Variants in LGALS16 observed in about 807,000 individuals in gnomAD.
LGALS16 encodes the protein galectin 16, also known as galectin-16.
Under a neutral mutation model 13.2 loss-of-function variants are expected in LGALS16, and 15 were observed. The ratio of observed to expected loss-of-function variants is 1.13; its 90% CI spans 0.76 to 1.75. The LOEUF (loss-of-function observed/expected upper bound fraction) is 1.75, where lower values mean the gene tolerates loss of function less well. LGALS16 is among the 40% of genes most tolerant of loss of function. The pLI is 0.00. For missense variants in LGALS16, 198 were observed against 178.4 expected, an observed-to-expected ratio of 1.11 and a Z score of -0.63; for synonymous variants, 66 against 65.4, an observed-to-expected ratio of 1.01 and a Z score of -0.05.
At chr19:39,658,907 G>A (rs1031073024) in intron 3 of LGALS16, among the ~76,000 whole-genome samples, 2 of 152,148 alleles carry the variant, frequency 1.3e-5, no homozygotes, top group African/African-American at 4.8e-5. Context: ...AATCTCCTCT[G>A]TCTTTTCACA....
At chr19:39,657,282 A>G (rs971278938) in intron 1 of LGALS16, among the ~76,000 whole-genome samples, 1 of 152,152 alleles carries the variant, frequency 6.6e-6, no homozygotes, top group Non-Finnish European at 1.5e-5. Flanking sequence ...CAGAAAAATC[A>G]TCAACCACTT....
At chr19:39,657,707 A>T (rs1391897441) in intron 1 of LGALS16, 176 bp from the exon 2 acceptor site, 5 of 699,934 alleles carry the variant, frequency 7.1e-6, no homozygotes, top group Admixed American at 2.4e-5. Flanking sequence ...CCTTGCTCTT[A>T]CCTATGGGTC....
intron 2 of LGALS16, 73 bp downstream of exon 2, chr19:39,658,032 G>C (rs551596619): frequency 6.4e-7 from 1 of 1,550,948 alleles, no homozygotes; most frequent in South Asian, 1.1e-5. Flanking sequence ...GACCTTATGT[G>C]TGGGTGATGT....
chr19:39,658,376 T>TG, intron 2 of LGALS16, 84 bp from the exon 3 acceptor site: 1 of 1,179,676 alleles, frequency 8.5e-7, no homozygotes, highest in South Asian at 1.3e-5. Context: ...CCTGGGTAAA[T>TG]GGGGGAAGGG....
rs186797209 is a variant in LGALS16 at position 39,660,505 on chromosome 19, C to A, written c.414C>A (p.Asn138Lys). 6.2e-4 allele frequency: 961 copies of A among 1,546,568 alleles called. 9 individuals carry two copies. Among genetic ancestry groups the A allele is most frequent in the South Asian group, 5.6e-3 (471 of 84,722 alleles). The stretch of plus-strand genomic sequence containing the variant: ...TCTCCCTGGACTCAGTGCTTGTCAA[C>A]AATGGACGGAGATGATCACACTCCT... ...RDVSLDSVLV[N>K]NGRR Residue 138 changes from asparagine to lysine, a missense_variant, in exon 4 of 4, where the codon AAC becomes AAA. Physicochemically the swap from Asn to Lys is moderately conservative, Grantham distance 94. Transcript: ENST00000392051.
intron 1 of LGALS16, 142 bp downstream of exon 1, chr19:39,656,118 T>C (rs1600817054): frequency 2.1e-6 from 1 of 477,920 alleles, no homozygotes; most frequent in South Asian, 2.3e-5. Flanking sequence ...AGAGAAACAC[T>C]GAGGCTGGGT....
At chr19:39,659,197 T>C (rs1186366555) in intron 3 of LGALS16, among the ~76,000 whole-genome samples, 1 of 151,912 alleles carries the variant, frequency 6.6e-6, no homozygotes, top group African/African-American at 2.4e-5. Context: ...CCTCCCAGAT[T>C]CAAGCGATTC....
At chr19:39,658,894 G>C (rs1206091723) in intron 3 of LGALS16, among the ~76,000 whole-genome samples, 1 of 152,126 alleles carries the variant, frequency 6.6e-6, no homozygotes, top group Non-Finnish European at 1.5e-5. Flanking sequence ...CCCCAAAGTG[G>C]AGAATCTCCT....
At chr19:39,659,602 T>C (rs75055583) in intron 3 of LGALS16, among the ~76,000 whole-genome samples, 13,002 of 152,296 alleles carry the variant, frequency 0.085, 619 homozygotes, top group East Asian at 0.24. Flanking sequence ...CAAATGATGC[T>C]GTATTAAGCT....
chr19:39,656,232 G>C (rs777814457), intron 1 of LGALS16, among the ~76,000 whole-genome samples: 2 of 152,150 alleles, frequency 1.3e-5, no homozygotes, highest in African/African-American at 4.8e-5. Context: ...GAGATGATGT[G>C]ACTTTAGGTG....
rs1456066021 is a variant in LGALS16, at chr19:39,658,682, A to G, written c.303+12A>G. On this transcript the variant is annotated intron_variant, in intron 3 of 3. Coordinates refer to ENST00000392051, the MANE Select transcript of LGALS16 (RefSeq NM_001190441.3). The stretch of plus-strand genomic sequence containing the variant: ...ACAATGAGTATGAGGTGAGCACCCC[A>G]GGAGCTCGCAGTACCCAGGCTCTTT... The G allele has an allele frequency of 6.6e-7, 1 of 1,514,176 alleles. No individual in the cohort carries two copies. 93.8% of individuals were successfully genotyped at this position (1,514,176 alleles called of 1,614,324 possible).
Position 39,657,884 on chromosome 19 carries a change from T to A in LGALS16, c.17T>A (p.Val6Glu), listed in dbSNP as rs745518275. The stretch of plus-strand genomic sequence containing the variant: ...CACTTATTCTCAATACCCTGGCAGG[T>A]GCCATACAAACTGCCTGTGTCTTTG... Reference protein sequence around the residue: MSFLTVPYKLPVSLSV... With the variant: MSFLTEPYKLPVSLSV... Residue 6 changes from valine (V) to glutamate (E), a missense_variant and splice_region_variant, in exon 2 of 4, where the codon GTG (valine) becomes GAG (glutamate). By Grantham distance (121) the Val-to-Glu change is moderately radical. Coordinates refer to ENST00000392051, the MANE Select transcript of LGALS16 (RefSeq NM_001190441.3). 6.2e-7 allele frequency: 1 copy of A among 1,613,768 alleles called. No individual in the cohort carries two copies. Among genetic ancestry groups the A allele is most frequent in the East Asian group, 2.2e-5 (1 of 44,882 alleles).
rs552561640 is a variant in LGALS16, at chr19:39,657,966, A to G, written c.92+7A>G. On this transcript the variant is annotated splice_region_variant and intron_variant, in intron 2 of 3. Coordinates refer to ENST00000392051, the MANE Select transcript of LGALS16 (RefSeq NM_001190441.3). ...CACTGATCGACTCTTCTATGTGAGT[A>G]CTCCATGGTCCAATGGAGGGGGTGG... The G allele has an allele frequency of 3.1e-6, 5 of 1,613,652 alleles. No homozygotes were observed. In the South Asian group the frequency reaches 4.4e-5, roughly 14 times the overall value.
In LGALS16 at chr19:39,657,874, C is replaced by A. The variant is rs961182720; in HGVS notation, c.16-9C>A. The A allele has an allele frequency of 6.2e-7, 1 of 1,613,414 alleles. No individual in the cohort carries two copies. The highest frequency in any genetic ancestry group is 8.5e-7 in the Non-Finnish European group (1 of 1,179,960). On this transcript the variant is annotated splice_polypyrimidine_tract_variant and intron_variant, in intron 1 of 3. Coordinates refer to ENST00000392051, the MANE Select transcript of LGALS16 (RefSeq NM_001190441.3). Reference sequence around the variant, plus strand: ...CTGCACCTCTCACTTATTCTCAATACCCTGGCAGGTGCCATACAAACTGCC... The same window carrying A: ...CTGCACCTCTCACTTATTCTCAATAACCTGGCAGGTGCCATACAAACTGCC...
intron 3 of LGALS16, among the ~76,000 whole-genome samples, chr19:39,659,519 G>A (rs117771460): frequency 0.012 from 1,756 of 152,280 alleles, 16 homozygotes; most frequent in Non-Finnish European, 0.018. Context: ...ATATCTTGAA[G>A]ACATTATCAA....
At chr19:39,657,997 A>C in intron 2 of LGALS16, 38 bp downstream of exon 2, 1 of 1,607,842 alleles carries the variant, frequency 6.2e-7, no homozygotes, top group Non-Finnish European at 8.5e-7. Flanking sequence ...GGTGGAGGAG[A>C]AAGGAGAATA....
Position 39,660,639 on chromosome 19 carries a change from C to A in LGALS16, c.*119C>A. 2 of 832,942 alleles carry A rather than the reference C, an allele frequency of 2.4e-6. No homozygotes were observed. Among genetic ancestry groups the A allele is most frequent in the Non-Finnish European group, 1.9e-6 (1 of 539,884 alleles). 51.6% of individuals were successfully genotyped at this position (832,942 alleles called of 1,614,324 possible). On this transcript the variant is annotated 3_prime_UTR_variant, in exon 4 of 4. Coordinates refer to ENST00000392051, the MANE Select transcript of LGALS16 (RefSeq NM_001190441.3). ...CTACACTTGGTCATTAAAACAGCAC[C>A]AAACCGTACATGATTTGGTTCTTGC...
In LGALS16 at chr19:39,660,432, A is replaced by G. The variant is rs547747297; in HGVS notation, c.341A>G (p.His114Arg). Residue 114 changes from histidine to arginine, a missense_variant, in exon 4 of 4, where the codon CAT becomes CGT. His to Arg is a conservative substitution (Grantham distance 29). Coordinates refer to ENST00000392051, the MANE Select transcript of LGALS16 (RefSeq NM_001190441.3). ...GGTGAATACATTTATGCCTTTGTCC[A>G]TCGAATCCCGCCATCATATGTGAAG... The part of the protein sequence containing the change: ...VNGEYIYAFV[H>R]RIPPSYVKMI... The G allele has an allele frequency of 1.0e-5, 16 of 1,541,284 alleles. No homozygotes were observed. The highest frequency in any genetic ancestry group is 2.7e-5 in the African/African-American group (2 of 73,294).
At chr19:39,655,997 C>A (rs1973190735) in intron 1 of LGALS16, 21 bp downstream of exon 1, 1 of 1,612,002 alleles carries the variant, frequency 6.2e-7, no homozygotes, top group Middle Eastern at 1.7e-4. Context: ...AAGGCACAGC[C>A]TTCAATAATC....
Sources: gnomAD v4.1 joint callset for allele counts (sites outside exome capture counted in the v4.1 genomes callset) on GRCh38, gnomAD v4.1.1 for gene constraint, MANE v1.5 for transcripts, NCBI Gene and HGNC (gene_info 2026-07-23, HGNC 2026-07-21) for gene names.